FAM171A1: variants seen among roughly 807,000 people sequenced by gnomAD.
The protein encoded by FAM171A1 is family with sequence similarity 171 member A1.
Under a neutral mutation model 74.9 loss-of-function variants are expected in FAM171A1, and 23 were observed. The ratio of observed to expected loss-of-function variants is 0.31; its 90% CI spans 0.22 to 0.44. The LOEUF is 0.44. Among genes scored for constraint, FAM171A1 ranks in the 20% least tolerant of loss-of-function variants. The pLI is 1.00. For synonymous variants in FAM171A1, 527 were observed against 505.7 expected (o/e 1.04, Z -0.57); for missense variants, 1,162 against 1,159.2 (o/e 1.00, Z -0.03).
At chr10:15,372,441 TC>T (rs1836161188), upstream of FAM171A1, among the ~76,000 whole-genome samples, 1 of 152,020 alleles carries the variant, frequency 6.6e-6, no homozygotes, top group African/African-American at 2.4e-5. Flanking sequence ...ATGCCTATAA[TC>T]CCAACACTTT....
intron 3 of FAM171A1, among the ~76,000 whole-genome samples, chr10:15,263,124 C>T (rs895931357): frequency 6.6e-5 from 10 of 152,190 alleles, no homozygotes; most frequent in African/African-American, 1.2e-4. Flanking sequence ...TGGTGCCAGT[C>T]GGCCCGATGA....
intron 1 of FAM171A1, among the ~76,000 whole-genome samples, chr10:15,313,676 G>A (rs1835389912): frequency 1.3e-5 from 2 of 152,094 alleles, no homozygotes; most frequent in South Asian, 2.1e-4. Flanking sequence ...ACATCCAAAC[G>A]CCAAGGAAAA....
intron 3 of FAM171A1, among the ~76,000 whole-genome samples, chr10:15,258,016 G>A (rs1034264390): frequency 3.3e-5 from 5 of 152,030 alleles, no homozygotes; most frequent in Non-Finnish European, 5.9e-5. Flanking sequence ...CTGAAAATAC[G>A]GGGGTCCCCG....
intron 5 of FAM171A1, among the ~76,000 whole-genome samples, chr10:15,222,229 G>C (rs184461150): frequency 6.6e-6 from 1 of 152,180 alleles, no homozygotes; most frequent in Non-Finnish European, 1.5e-5. Context: ...TGGCTCTAAG[G>C]CCTAAATAGA....
intron 6 of FAM171A1, among the ~76,000 whole-genome samples, chr10:15,217,571 G>A (rs561987943): frequency 7.9e-5 from 12 of 152,120 alleles, no homozygotes; most frequent in African/African-American, 2.9e-4. Flanking sequence ...GCGAGGAGGG[G>A]GTTAAAGTTT....
intron 1 of FAM171A1, among the ~76,000 whole-genome samples, chr10:15,338,531 A>G (rs888858066): frequency 6.6e-6 from 1 of 152,196 alleles, no homozygotes; most frequent in Non-Finnish European, 1.5e-5. Flanking sequence ...CTAGTATTTT[A>G]TATCAATTTT....
intron 5 of FAM171A1, among the ~76,000 whole-genome samples, chr10:15,234,384 G>A (rs866554299): frequency 2.0e-5 from 3 of 152,134 alleles, no homozygotes; most frequent in East Asian, 1.9e-4. Context: ...GGTTCTTGGC[G>A]TTTTGAACAA....
intron 2 of FAM171A1, among the ~76,000 whole-genome samples, chr10:15,277,955 C>T (rs1267617706): frequency 6.6e-6 from 1 of 152,122 alleles, no homozygotes; most frequent in Non-Finnish European, 1.5e-5. Context: ...GGGGTTTCGT[C>T]ACATTGGCCA....
Position 15,366,788 on chromosome 10 carries a change from A to C in FAM171A1, c.97+4168T>G, listed in dbSNP as rs537647641. 9.2e-5 allele frequency among the ~76,000 whole-genome samples: 14 copies of C among 152,358 alleles called. No homozygotes were observed. The East Asian group carries it at 1.9e-3, about 21-fold the overall frequency. On this transcript the variant is annotated intron_variant, in intron 1 of 7. Coordinates refer to ENST00000378116, the MANE Select transcript of FAM171A1 (RefSeq NM_001010924.2). ...TTTCTTGGTAAGCAGTGTTTACTAAAAGTAGGAAATTAATATTTATTAAAA... is the reference window on the plus strand; with the variant it reads ...TTTCTTGGTAAGCAGTGTTTACTAACAGTAGGAAATTAATATTTATTAAAA...
chr10:15,254,239 G>A (rs1281222573), intron 4 of FAM171A1, among the ~76,000 whole-genome samples: 1 of 152,172 alleles, frequency 6.6e-6, no homozygotes, highest in Non-Finnish European at 1.5e-5. Context: ...CTGTCTCTGA[G>A]TTGGACCAAG....
intron 5 of FAM171A1, among the ~76,000 whole-genome samples, chr10:15,224,268 T>C (rs1335042547): frequency 6.6e-6 from 1 of 152,010 alleles, no homozygotes; most frequent in Non-Finnish European, 1.5e-5. Flanking sequence ...CCTGGTGTGG[T>C]GGGCCTGGAT....
Position 15,304,400 on chromosome 10 carries a change from A to G in FAM171A1, c.98-20295T>C, listed in dbSNP as rs536331110. ...AATCCAGAGCCCACTCCCCAGCCACATCCCCTAGGGGCTCTTATATTCCAG... is the reference window on the plus strand; with the variant it reads ...AATCCAGAGCCCACTCCCCAGCCACGTCCCCTAGGGGCTCTTATATTCCAG... On this transcript the variant is annotated intron_variant, in intron 1 of 7. Coordinates refer to ENST00000378116, the MANE Select transcript of FAM171A1 (RefSeq NM_001010924.2). 1.9e-3 allele frequency among the ~76,000 whole-genome samples: 285 copies of G among 152,194 alleles called. 2 individuals are homozygous for G. The highest frequency in any genetic ancestry group is 6.7e-3 in the African/African-American group (277 of 41,526).
chr10:15,268,999 G>A (rs1012936746), intron 3 of FAM171A1, among the ~76,000 whole-genome samples: 6 of 152,022 alleles, frequency 3.9e-5, no homozygotes, highest in Non-Finnish European at 7.4e-5. Context: ...CCAAGATCAC[G>A]CCACTGCACT....
intron 5 of FAM171A1, among the ~76,000 whole-genome samples, chr10:15,236,000 T>C (rs1834283711): frequency 1.3e-5 from 2 of 152,234 alleles, no homozygotes; most frequent in South Asian, 4.1e-4. Flanking sequence ...AGGGAGCACA[T>C]TAGGCTCACA....
At chr10:15,234,970 G>A (rs2131738343) in intron 5 of FAM171A1, among the ~76,000 whole-genome samples, 1 of 152,086 alleles carries the variant, frequency 6.6e-6, no homozygotes, top group South Asian at 2.1e-4. Flanking sequence ...CCGATCAGAG[G>A]TACTTTTCAT....
At chr10:15,291,865 C>G (rs745858547) in intron 1 of FAM171A1, among the ~76,000 whole-genome samples, 2 of 152,212 alleles carry the variant, frequency 1.3e-5, no homozygotes, top group Non-Finnish European at 2.9e-5. Flanking sequence ...CCACACCTCC[C>G]TGTCTTTGTT....
At chr10:15,261,956 A>G (rs1001974936) in intron 3 of FAM171A1, among the ~76,000 whole-genome samples, 1 of 152,136 alleles carries the variant, frequency 6.6e-6, no homozygotes, top group Admixed American at 6.6e-5. Context: ...TCTACAAAAA[A>G]TCTGAAAAAT....
chr10:15,283,824 A>G (rs1440641483), intron 2 of FAM171A1, 54 bp downstream of exon 2: 4 of 1,571,252 alleles, frequency 2.5e-6, no homozygotes, highest in Non-Finnish European at 3.5e-6. Context: ...GCCTTATGCG[A>G]TCCTCCCACC....
chr10:15,249,154 T>C (rs1303378879), intron 4 of FAM171A1, among the ~76,000 whole-genome samples: 1 of 149,486 alleles, frequency 6.7e-6, no homozygotes, highest in Non-Finnish European at 1.5e-5. Context: ...TGGAGTGCGA[T>C]GGCACAATCT....
Sources: allele counts gnomAD v4.1 joint callset (sites outside exome capture counted in the v4.1 genomes callset), GRCh38; gene constraint gnomAD v4.1.1; transcripts MANE v1.5; gene names NCBI Gene and HGNC (gene_info 2026-07-23, HGNC 2026-07-21).